IQCM: variants seen among roughly 807,000 people sequenced by gnomAD.
IQCM encodes the protein IQ domain-containing protein M.
IQCM carries 45 observed loss-of-function variants against 57.6 expected under a neutral mutation model. The observed-to-expected ratio is 0.78, with a 90% CI of 0.62 to 1.00. The LOEUF is 1.00. IQCM is among the 50% of genes least tolerant of loss of function. IQCM has a pLI of 0.00. For synonymous variants in IQCM, 148 were observed against 158.9 expected, an observed-to-expected ratio of 0.93 and a Z score of 0.51; for missense variants, 468 against 511.6, an observed-to-expected ratio of 0.91 and a Z score of 0.82.
intron 7 of IQCM, among the ~76,000 whole-genome samples, chr4:149,655,764 C>CA (rs927303858): frequency 2.6e-5 from 4 of 151,638 alleles, no homozygotes; most frequent in South Asian, 2.1e-4. Context: ...CCAAAACTGT[C>CA]AAAAAAAATC....
At chr4:149,356,329 T>A (rs1728977154) in intron 13 of IQCM, among the ~76,000 whole-genome samples, 1 of 152,218 alleles carries the variant, frequency 6.6e-6, no homozygotes, top group Admixed American at 6.5e-5. Flanking sequence ...CATGCCTATG[T>A]CCTGAATGGT....
intron 12 of IQCM, among the ~76,000 whole-genome samples, chr4:149,480,729 C>A (rs1377473029): frequency 2.0e-5 from 3 of 152,148 alleles, no homozygotes; most frequent in Non-Finnish European, 4.4e-5. Flanking sequence ...CATGGGAGTG[C>A]AGTTACCTCT....
chr4:149,355,506 T>C (rs1728904606), intron 13 of IQCM, among the ~76,000 whole-genome samples: 1 of 151,666 alleles, frequency 6.6e-6, no homozygotes, highest in South Asian at 2.1e-4. Flanking sequence ...TGGTTTTTTG[T>C]CCTTGCGATA....
intron 7 of IQCM, among the ~76,000 whole-genome samples, chr4:149,660,056 G>A (rs1176247197): frequency 1.3e-5 from 2 of 151,172 alleles, no homozygotes; most frequent in Non-Finnish European, 3.0e-5. Context: ...CCCACAAAAT[G>A]GGAGAAAATT....
rs568476559 is a variant in IQCM, at chr4:149,385,985, G to A, written c.1391-33919C>T. Among the ~76,000 whole-genome samples the A allele has an allele frequency of 4.6e-5, 7 of 152,080 alleles. No homozygotes were observed. In the South Asian group the frequency reaches 1.5e-3, roughly 32 times the overall value. On this transcript the variant is annotated intron_variant, in intron 13 of 13. Coordinates refer to ENST00000636793, the MANE Select transcript of IQCM (RefSeq NM_001363507.2). ...CTCTCATTCACTTTTCCAGAGGGAA[G>A]GCATAGTGATCTAGTCAGCTCTTTA... is the stretch of plus-strand genomic sequence containing the variant.
intron 8 of IQCM, among the ~76,000 whole-genome samples, chr4:149,614,720 T>C (rs116872598): frequency 1.2e-4 from 18 of 152,290 alleles, no homozygotes; most frequent in East Asian, 9.7e-4. Flanking sequence ...CGATAGCTGG[T>C]AAGCTAAAAA....
At chr4:149,517,016 C>T (rs561852849) in intron 12 of IQCM, among the ~76,000 whole-genome samples, 81 of 149,960 alleles carry the variant, frequency 5.4e-4, no homozygotes, top group African/African-American at 1.8e-3. Context: ...ATTACCATGA[C>T]CTGTGATTAA....
intron 13 of IQCM, among the ~76,000 whole-genome samples, chr4:149,363,776 A>G (rs1729652372): frequency 2.6e-5 from 4 of 152,234 alleles, no homozygotes; most frequent in Non-Finnish European, 1.5e-5. Flanking sequence ...CATGGAAGAC[A>G]TATAGCTATT....
chr4:149,759,423 G>A (rs1460078516), intron 2 of IQCM, among the ~76,000 whole-genome samples: 1 of 152,138 alleles, frequency 6.6e-6, no homozygotes, highest in Non-Finnish European at 1.5e-5. Flanking sequence ...ATAATAATGT[G>A]TCAATATAGG....
intron 2 of IQCM, among the ~76,000 whole-genome samples, chr4:149,760,854 C>T (rs1295611775): frequency 6.6e-6 from 1 of 151,234 alleles, no homozygotes; most frequent in Non-Finnish European, 1.5e-5. Flanking sequence ...TAAATAAATA[C>T]TCTTAGTACC....
At chr4:149,391,714 C>T (rs977767347) in intron 13 of IQCM, among the ~76,000 whole-genome samples, 2 of 151,934 alleles carry the variant, frequency 1.3e-5, no homozygotes, top group Admixed American at 1.3e-4. Flanking sequence ...TCTAATTGTA[C>T]TTGTAATTTC....
At chr4:149,654,368 C>A (rs1374497010) in intron 7 of IQCM, among the ~76,000 whole-genome samples, 1 of 152,056 alleles carries the variant, frequency 6.6e-6, no homozygotes, top group Non-Finnish European at 1.5e-5. Context: ...GCTCTCCTCA[C>A]CATAGTGAGT....
At chr4:149,463,006 T>C (rs1447904326) in intron 12 of IQCM, among the ~76,000 whole-genome samples, 2 of 152,210 alleles carry the variant, frequency 1.3e-5, no homozygotes, top group South Asian at 2.1e-4. Flanking sequence ...TTGTGGGGTA[T>C]TGGAATTATT....
intron 13 of IQCM, among the ~76,000 whole-genome samples, chr4:149,363,597 G>A (rs545176390): frequency 3.3e-5 from 5 of 152,078 alleles, no homozygotes; most frequent in Admixed American, 6.6e-5. Context: ...CCTAGCTCCT[G>A]AGTCTATCAT....
At chr4:149,423,726 G>A (rs1734275044) in intron 13 of IQCM, among the ~76,000 whole-genome samples, 1 of 151,912 alleles carries the variant, frequency 6.6e-6, no homozygotes. Context: ...CAATACATGA[G>A]AGGGAAGATG....
At chr4:149,670,766 T>C (rs1290774625) in intron 7 of IQCM, among the ~76,000 whole-genome samples, 1 of 152,194 alleles carries the variant, frequency 6.6e-6, no homozygotes, top group Non-Finnish European at 1.5e-5. Context: ...TCTGTTCATA[T>C]GATGGATTAC....
At chr4:149,532,266 TACAAA>T (rs1044305287) in intron 12 of IQCM, among the ~76,000 whole-genome samples, 39 of 152,266 alleles carry the variant, frequency 2.6e-4, no homozygotes, top group African/African-American at 9.1e-4. Context: ...TTACCTAGTA[TACAAA>T]GGCAATGCTG....
intron 12 of IQCM, among the ~76,000 whole-genome samples, chr4:149,507,946 G>T (rs1215829149): frequency 6.6e-6 from 1 of 151,898 alleles, no homozygotes; most frequent in Non-Finnish European, 1.5e-5. Context: ...CTAGGGACTT[G>T]GTGCCCTGCA....
rs1475345350 is a variant in IQCM at position 149,445,192 on chromosome 4, T to C, written c.1229-11635A>G. ...TCTTTCCTGAACATTAGTGTGGTCT[T>C]CTTGGTTCAAAGACTAGAATTAATC... On this transcript the variant is annotated intron_variant, in intron 12 of 13. Transcript: ENST00000636793. Among the ~76,000 whole-genome samples the C allele has an allele frequency of 2.0e-5, 3 of 151,846 alleles. No homozygotes were observed. The East Asian group carries it at 5.8e-4, about 29-fold the overall frequency.
Sources: allele counts gnomAD v4.1 joint callset (sites outside exome capture counted in the v4.1 genomes callset), GRCh38; gene constraint gnomAD v4.1.1; transcripts MANE v1.5; gene names NCBI Gene and HGNC (gene_info 2026-07-23, HGNC 2026-07-21).